DET1: variants seen among roughly 807,000 people sequenced by gnomAD.
DET1 encodes the protein DET1 partner of COP1 E3 ubiquitin ligase.
In DET1, 22 loss-of-function variants were observed where a neutral mutation model predicts 43.7. The ratio of observed to expected loss-of-function variants is 0.50; its 90% CI spans 0.36 to 0.72. DET1 has a LOEUF of 0.72. DET1 is among the 30% of genes least tolerant of loss of function. The probability of loss-of-function intolerance (pLI) is 0.00; values close to 1 mark genes in which losing one functional copy is unlikely to be tolerated. For missense variants in DET1, 713 were observed against 713.3 expected (o/e 1.00, Z 0.00); for synonymous variants, 315 against 266.2 (o/e 1.18, Z -1.79).
At chr15:88,544,580 T>C (rs1319918351) in intron 1 of DET1, among the ~76,000 whole-genome samples, 1 of 152,118 alleles carries the variant, frequency 6.6e-6, no homozygotes, top group Non-Finnish European at 1.5e-5. Context: ...GAACTAGTGT[T>C]TGTTAAAAAG....
intron 3 of DET1, among the ~76,000 whole-genome samples, chr15:88,525,827 A>ATTTTTTTT (rs10658727): frequency 1.1e-5 from 1 of 90,698 alleles, no homozygotes; most frequent in Admixed American, 1.3e-4. Flanking sequence ...ACACTCGGCT[A>ATTTTTTTT]TTTTTTTTTT....
rs2057013329 is a variant in DET1, at chr15:88,538,625, A to T, written c.-10-6910T>A. 1.3e-5 allele frequency among the ~76,000 whole-genome samples: 2 copies of T among 152,126 alleles called. 1 individual carries two copies. Among genetic ancestry groups the T allele is most frequent in the South Asian group, 4.1e-4 (2 of 4,826 alleles). ...GTCTCAAAGTGTGGCGTTTTCTCTA[A>T]CACCCCGGGTACAACATAATGGAGG... On this transcript the variant is annotated intron_variant, in intron 1 of 4. Transcript: ENST00000268148.
intron 1 of DET1, among the ~76,000 whole-genome samples, chr15:88,544,338 G>C (rs566869033): frequency 6.6e-6 from 1 of 152,270 alleles, no homozygotes; most frequent in African/African-American, 2.4e-5. Flanking sequence ...TTAGAGTAAG[G>C]TGCACCCTTT....
intron 3 of DET1, among the ~76,000 whole-genome samples, chr15:88,524,073 G>A (rs2056585419): frequency 6.7e-6 from 1 of 150,250 alleles, no homozygotes. Context: ...GAGATGTGGG[G>A]AGCGCTTCTG....
chr15:88,513,100 G>T lies in DET1; in HGVS notation c.1504C>A (p.Gln502Lys). The T allele has an allele frequency of 6.2e-7, 1 of 1,613,770 alleles. No homozygotes were observed. Among genetic ancestry groups the T allele is most frequent in the Non-Finnish European group, 8.5e-7 (1 of 1,179,758 alleles). Residue 502 changes from glutamine to lysine, a missense_variant, in exon 5 of 5, where the codon CAG becomes AAG. Gln to Lys is a moderately conservative substitution (Grantham distance 53, BLOSUM62 1). Transcript: ENST00000268148. ...RDSGLLKFEI[Q>K]AGLLGRPINH... is the part of the protein sequence containing the mutation. ...ATGGGGCGGCCCAATAACCCCGCCT[G>T]GATCTCAAACTTGAGCAGGCCCGAG...
downstream of DET1, among the ~76,000 whole-genome samples, chr15:88,511,819 A>G (rs1278766166): frequency 6.6e-6 from 1 of 152,180 alleles, no homozygotes; most frequent in Non-Finnish European, 1.5e-5. Context: ...TATTTTCCCA[A>G]AGAAAGTCAG....
rs1197477119 is a variant in DET1, at chr15:88,513,140, C to T, written c.1464G>A (p.Arg488=). 1.9e-6 allele frequency: 3 copies of T among 1,606,774 alleles called. No individual in the cohort carries two copies. The highest frequency in any genetic ancestry group is 2.6e-6 in the Non-Finnish European group (3 of 1,176,112). ...GCAGGCCCGAGTCCCGGGCATAGAACCTAAAAAGAACAAGGACAGAGACAG... is the reference window on the plus strand; with the variant it reads ...GCAGGCCCGAGTCCCGGGCATAGAATCTAAAAAGAACAAGGACAGAGACAG... ...RPKTCGDHPI[R]FYARDSGLLK... is the part of the protein sequence containing the mutation. Residue 488 remains arginine, a splice_region_variant and synonymous_variant, in exon 5 of 5, where the codon AGG becomes AGA. Coordinates refer to ENST00000268148, the MANE Select transcript of DET1 (RefSeq NM_001144074.3).
At chr15:88,520,592 G>A (rs942131417) in intron 3 of DET1, among the ~76,000 whole-genome samples, 6 of 152,174 alleles carry the variant, frequency 3.9e-5, no homozygotes, top group African/African-American at 1.4e-4. Flanking sequence ...ACTCTCTCTT[G>A]CAAGCTGTTC....
At chr15:88,510,667 C>G (rs2142248271), downstream of DET1, among the ~76,000 whole-genome samples, 1 of 152,076 alleles carries the variant, frequency 6.6e-6, no homozygotes, top group East Asian at 1.9e-4. Flanking sequence ...AACCCGTCAT[C>G]AGATATCTTC....
At chr15:88,523,111 A>G (rs1338622090) in intron 3 of DET1, among the ~76,000 whole-genome samples, 2 of 151,318 alleles carry the variant, frequency 1.3e-5, no homozygotes, top group Non-Finnish European at 2.9e-5. Context: ...CCTGAGCTCA[A>G]GCGATCAGTC....
At chr15:88,527,519 G>C in intron 3 of DET1, 80 bp downstream of exon 3, 1 of 1,324,218 alleles carries the variant, frequency 7.6e-7, no homozygotes, top group Non-Finnish European at 1.0e-6. Flanking sequence ...CAGAATAAGA[G>C]GTTTCCTAGA....
chr15:88,545,196 CAAT>C (rs2142355234), intron 1 of DET1, among the ~76,000 whole-genome samples: 1 of 152,184 alleles, frequency 6.6e-6, no homozygotes, highest in African/African-American at 2.4e-5. Flanking sequence ...AATCCTCTTA[CAAT>C]AATATTACGG....
At chr15:88,511,387 T>C (rs767472976), downstream of DET1, 1 of 984,178 alleles carries the variant, frequency 1.0e-6, no homozygotes, top group Non-Finnish European at 1.2e-6. Context: ...ACATTTCCCA[T>C]CTCCCTCACC....
intron 1 of DET1, among the ~76,000 whole-genome samples, chr15:88,544,884 G>A (rs180936518): frequency 9.9e-5 from 15 of 152,226 alleles, no homozygotes; most frequent in African/African-American, 2.9e-4. Context: ...CTGTACCCAC[G>A]AAGAGCAACA....
At position 88,525,958 on chromosome 15, in the gene DET1, G is replaced by A. The variant is rs371476619; in HGVS notation, c.1271+1641C>T. Among the ~76,000 whole-genome samples, 25 of 150,728 alleles carry A rather than the reference G, an allele frequency of 1.7e-4. 1 individual carries two copies. Among genetic ancestry groups the A allele is most frequent in the African/African-American group, 5.9e-4 (24 of 40,878 alleles). On this transcript the variant is annotated intron_variant, in intron 3 of 4. Transcript: ENST00000268148. ...TCCAAAGTGTTGGGATTACAGGCAT[G>A]AGCCACCACACTCAGACTGTTACTT...
chr15:88,537,377 G>A (rs143921179), intron 1 of DET1, among the ~76,000 whole-genome samples: 2 of 152,034 alleles, frequency 1.3e-5, no homozygotes, highest in African/African-American at 4.8e-5. Context: ...ATTTTTTGGG[G>A]TCTCACTCTG....
intron 4 of DET1, among the ~76,000 whole-genome samples, 163 bp from the exon 5 acceptor site, chr15:88,513,303 C>T (rs780407168): frequency 2.0e-5 from 3 of 152,158 alleles, no homozygotes; most frequent in Non-Finnish European, 2.9e-5. Flanking sequence ...TAAAATCACC[C>T]TGGAATGACC....
intron 2 of DET1, among the ~76,000 whole-genome samples, chr15:88,530,213 G>A (rs534076686): frequency 1.3e-5 from 2 of 152,308 alleles, no homozygotes; most frequent in African/African-American, 4.8e-5. Flanking sequence ...GTTACTTAGA[G>A]AATTTTCTTT....
intron 1 of DET1, among the ~76,000 whole-genome samples, chr15:88,534,721 G>A (rs1234026669): frequency 1.3e-5 from 2 of 152,180 alleles, no homozygotes; most frequent in Admixed American, 6.5e-5. Flanking sequence ...GATCCAAATA[G>A]CACTGCAAAG....
Sources: gnomAD v4.1 joint callset for allele counts (sites outside exome capture counted in the v4.1 genomes callset) on GRCh38, gnomAD v4.1.1 for gene constraint, MANE v1.5 for transcripts, NCBI Gene and HGNC (gene_info 2026-07-23, HGNC 2026-07-21) for gene names.